TRDN: variants seen among roughly 807,000 people sequenced by gnomAD.
TRDN encodes the protein triadin.
In TRDN, 161 loss-of-function variants were observed where a neutral mutation model predicts 149.7. The ratio of observed to expected loss-of-function variants is 1.08; its 90% CI spans 0.95 to 1.23. The LOEUF is 1.23. Among genes scored for constraint, TRDN ranks in the 50% most tolerant of loss-of-function variants. The pLI, the probability that TRDN is intolerant of heterozygous loss-of-function variation, is 0.00. For missense variants in TRDN, 896 were observed against 823.5 expected (o/e 1.09, Z -1.08); for synonymous variants, 294 against 250.5 (o/e 1.17, Z -1.64).
chr6:123,574,168 C>T (rs1020229253), intron 1 of TRDN, among the ~76,000 whole-genome samples: 1 of 151,824 alleles, frequency 6.6e-6, no homozygotes, highest in Non-Finnish European at 1.5e-5. Context: ...TGATAAGGAA[C>T]ATCGGAGCAA....
chr6:123,306,723 A>C (rs1778624963), intron 24 of TRDN, among the ~76,000 whole-genome samples: 1 of 152,038 alleles, frequency 6.6e-6, no homozygotes, highest in African/African-American at 2.4e-5. Context: ...TAAATCCTCT[A>C]ATCTTGTCTT....
At chr6:123,514,076 C>G (rs915648939) in intron 6 of TRDN, among the ~76,000 whole-genome samples, 2 of 152,064 alleles carry the variant, frequency 1.3e-5, no homozygotes, top group Non-Finnish European at 2.9e-5. Context: ...GTGAAACAAT[C>G]TTTTTTGGAT....
In TRDN at chr6:123,483,584, AACC is replaced by A. The variant is rs557546883; in HGVS notation, c.853+13606_853+13608del. 1.2e-4 allele frequency among the ~76,000 whole-genome samples: 19 copies of A among 152,318 alleles called. No homozygotes were observed. The South Asian group carries it at 3.5e-3, about 28-fold the overall frequency. On this transcript the variant is annotated intron_variant, in intron 9 of 40. Transcript: ENST00000334268. ...AACACGCCTTGATAAGGCCTGTTCTAACCACTGTGGCCCTCTCTCTGGAATTTT... is the reference window on the plus strand; with the variant it reads ...AACACGCCTTGATAAGGCCTGTTCTAACTGTGGCCCTCTCTCTGGAATTTT...
chr6:123,526,675 G>A, intron 5 of TRDN, among the ~76,000 whole-genome samples: 1 of 152,122 alleles, frequency 6.6e-6, no homozygotes, highest in South Asian at 2.1e-4. Context: ...TTCATCCATA[G>A]TAGATAAACA....
At chr6:123,583,219 G>C (rs1045030920) in intron 1 of TRDN, among the ~76,000 whole-genome samples, 1 of 152,138 alleles carries the variant, frequency 6.6e-6, no homozygotes, top group Non-Finnish European at 1.5e-5. Context: ...TAAACCGGCA[G>C]TGTAAACAAT....
chr6:123,245,501 G>A (rs1484798120), intron 38 of TRDN, among the ~76,000 whole-genome samples: 1 of 152,056 alleles, frequency 6.6e-6, no homozygotes, highest in East Asian at 1.9e-4. Flanking sequence ...ACAAAGGAGG[G>A]CATTACATAA....
At chr6:123,499,244 T>C (rs1778576400) in intron 8 of TRDN, among the ~76,000 whole-genome samples, 2 of 152,136 alleles carry the variant, frequency 1.3e-5, no homozygotes, top group African/African-American at 2.4e-5. Context: ...CTGCCCCATG[T>C]TGTGATGGGA....
In TRDN at chr6:123,267,711, T is replaced by A; in HGVS notation, c.1779A>T (p.Lys593Asn). The stretch of plus-strand genomic sequence containing the variant: ...AAACCAAAAATGGTAAAATACCTGT[T>A]TTTATAGATGGAGGTTCTCTTTCTC... ...EHREREPPSI[K>N]TDKPKPTPKG... Residue 593 changes from lysine to asparagine, a missense_variant, in exon 32 of 41, where the codon AAA becomes AAT. Lys to Asn is a moderately conservative substitution (Grantham distance 94, BLOSUM62 0). Coordinates refer to ENST00000334268, the MANE Select transcript of TRDN (RefSeq NM_006073.4). The A allele has an allele frequency of 1.3e-6, 2 of 1,574,478 alleles. No homozygotes were observed. The highest frequency in any genetic ancestry group is 1.7e-6 in the Non-Finnish European group (2 of 1,159,780).
Position 123,218,604 on chromosome 6 carries a change from C to T in TRDN, c.2187G>A (p.Gln729=). The T allele has an allele frequency of 6.2e-7, 1 of 1,611,160 alleles. No individual in the cohort carries two copies. Among genetic ancestry groups the T allele is most frequent in the South Asian group, 1.1e-5 (1 of 90,918 alleles). ...TGTAAGGGTCATACATGTGTGTTTA[C>T]TGTCCTTGTTGCTTCTGTCCTGGAG... ...ANSPGQKQQG[Q] is the part of the protein sequence containing the mutation. The change falls in exon 41 of 41, where the codon CAG becomes CAA. Residue 729 remains glutamine, a synonymous_variant. Transcript: ENST00000334268.
chr6:123,256,298 A>G (rs970740342), intron 35 of TRDN, among the ~76,000 whole-genome samples: 1 of 152,118 alleles, frequency 6.6e-6, no homozygotes, highest in South Asian at 2.1e-4. Context: ...ATAGTATTCC[A>G]TGGTGTATAT....
chr6:123,561,166 G>A (rs1781973611), intron 2 of TRDN, among the ~76,000 whole-genome samples: 1 of 152,086 alleles, frequency 6.6e-6, no homozygotes, highest in South Asian at 2.1e-4. Flanking sequence ...TAATTCCTCG[G>A]TTTGGCCTTC....
At chr6:123,392,821 C>T (rs1028704403) in intron 13 of TRDN, among the ~76,000 whole-genome samples, 2 of 151,986 alleles carry the variant, frequency 1.3e-5, no homozygotes, top group African/African-American at 4.8e-5. Flanking sequence ...AGATGTAATA[C>T]ATTCGGTCAT....
intron 12 of TRDN, 23 bp downstream of exon 12, chr6:123,438,040 A>T: frequency 6.3e-7 from 1 of 1,586,988 alleles, no homozygotes. Flanking sequence ...AATCCATCTA[A>T]GGAAACAAAG....
intron 6 of TRDN, among the ~76,000 whole-genome samples, chr6:123,512,911 C>A (rs1779249105): frequency 6.6e-6 from 1 of 152,120 alleles, no homozygotes. Context: ...ATTTCCATTT[C>A]TCCTACTTCC....
chr6:123,377,099 G>C (rs553793686), intron 18 of TRDN, among the ~76,000 whole-genome samples: 1 of 152,194 alleles, frequency 6.6e-6, no homozygotes, highest in African/African-American at 2.4e-5. Flanking sequence ...TTTGTTGATA[G>C]GTTTATTTGT....
At chr6:123,293,472 G>C (rs1362022766) in intron 24 of TRDN, among the ~76,000 whole-genome samples, 1 of 152,022 alleles carries the variant, frequency 6.6e-6, no homozygotes, top group African/African-American at 2.4e-5. Flanking sequence ...AAAGTAAATG[G>C]GATTCCACTT....
At chr6:123,564,610 T>G (rs59549582) in intron 2 of TRDN, among the ~76,000 whole-genome samples, 1 of 152,080 alleles carries the variant, frequency 6.6e-6, no homozygotes, top group Non-Finnish European at 1.5e-5. Context: ...CATTAGAAAA[T>G]CTATTTAAAA....
intron 8 of TRDN, chr6:123,502,928 T>C (rs1778760272): frequency 1.4e-5 from 14 of 985,304 alleles, no homozygotes; most frequent in Non-Finnish European, 1.6e-5. Flanking sequence ...AAACATTCAA[T>C]AAGGGCCAGA....
intron 33 of TRDN, among the ~76,000 whole-genome samples, chr6:123,262,362 T>C (rs1261814378): frequency 6.6e-6 from 1 of 151,954 alleles, no homozygotes; most frequent in Non-Finnish European, 1.5e-5. Flanking sequence ...AATTACTGTG[T>C]CTTTTGTTTT....
Sources: gnomAD v4.1 joint callset for allele counts (sites outside exome capture counted in the v4.1 genomes callset) on GRCh38, gnomAD v4.1.1 for gene constraint, MANE v1.5 for transcripts, NCBI Gene and HGNC (gene_info 2026-07-23, HGNC 2026-07-21) for gene names.